The following EHF variants were observed in gnomAD, a reference collection of about 807,000 sequenced individuals.
EHF encodes ETS homologous factor, also known as ESE3 transcription factor.
EHF carries 14 observed loss-of-function variants against 45.1 expected under a neutral mutation model. The ratio of observed to expected loss-of-function variants is 0.31; its 90% CI spans 0.21 to 0.49. EHF has a LOEUF of 0.49. Among genes scored for constraint, EHF ranks in the 20% least tolerant of loss-of-function variants. The probability of loss-of-function intolerance (pLI) is 0.99; values close to 1 mark genes in which losing one functional copy is unlikely to be tolerated. For missense variants in EHF, 282 were observed against 371.4 expected (o/e 0.76, Z 1.98); for synonymous variants, 136 against 131.8 (o/e 1.03, Z -0.22).
chr11:34,656,053 TAC>T (rs61484102), intron 6 of EHF, among the ~76,000 whole-genome samples: 135,605 of 149,510 alleles, frequency 0.91, 62,354 homozygotes, highest in Non-Finnish European at 0.99. Flanking sequence ...GTCCTCCCAA[TAC>T]ACACACACAC....
chr11:34,623,098 G>A (rs1016300637), intron 1 of EHF, among the ~76,000 whole-genome samples: 2 of 150,948 alleles, frequency 1.3e-5, no homozygotes, highest in South Asian at 2.1e-4. Context: ...ATCCTTTTTG[G>A]TTTTTTTTTG....
At chr11:34,628,292 A>T (rs926959787) in intron 1 of EHF, among the ~76,000 whole-genome samples, 2 of 152,306 alleles carry the variant, frequency 1.3e-5, no homozygotes, top group South Asian at 4.1e-4. Context: ...CCAACATAAT[A>T]TGATATCACA....
chr11:34,622,727 A>G (rs571398682), intron 1 of EHF, among the ~76,000 whole-genome samples: 2 of 152,388 alleles, frequency 1.3e-5, no homozygotes, highest in South Asian at 4.1e-4. Context: ...TCATGTAGAC[A>G]ACACCATTTT....
intron 1 of EHF, chr11:34,632,661 T>C: frequency 2.0e-6 from 3 of 1,535,570 alleles, no homozygotes; most frequent in Non-Finnish European, 1.7e-6. Context: ...AGGTTGGTCA[T>C]TCTCAAATGC....
chr11:34,638,341 G>C (rs971933321), intron 1 of EHF, among the ~76,000 whole-genome samples: 1 of 152,220 alleles, frequency 6.6e-6, no homozygotes, highest in Non-Finnish European at 1.5e-5. Context: ...CTGATACCCA[G>C]TGTATTCTCT....
intron 3 of EHF, among the ~76,000 whole-genome samples, chr11:34,647,699 C>G (rs960631545): frequency 6.6e-6 from 1 of 152,224 alleles, no homozygotes; most frequent in South Asian, 2.1e-4. Context: ...CTGGCAACAG[C>G]CATCAACACT....
At chr11:34,650,070 G>T (rs553781611) in intron 4 of EHF, among the ~76,000 whole-genome samples, 27 of 152,368 alleles carry the variant, frequency 1.8e-4, no homozygotes, top group Admixed American at 5.9e-4. Flanking sequence ...GTGCTTTACA[G>T]GCCTGGCCTT....
chr11:34,651,342 C>A (rs11032801), intron 4 of EHF, among the ~76,000 whole-genome samples, 200 bp from the exon 5 acceptor site: 14,755 of 152,058 alleles, frequency 0.097, 1,187 homozygotes, highest in East Asian at 0.43. Flanking sequence ...ATGGATGAGG[C>A]CATTTCCCCG....
chr11:34,647,729 G>T (rs1854711768), intron 3 of EHF, among the ~76,000 whole-genome samples: 1 of 152,204 alleles, frequency 6.6e-6, no homozygotes, highest in Non-Finnish European at 1.5e-5. Flanking sequence ...CTGGGGCCTT[G>T]CAGCAGAGCT....
intron 1 of EHF, among the ~76,000 whole-genome samples, chr11:34,637,234 G>C (rs1384219903): frequency 3.3e-5 from 5 of 152,074 alleles, no homozygotes; most frequent in Non-Finnish European, 7.4e-5. Context: ...CAAGTGCTCT[G>C]TTCCCCCTGC....
chr11:34,628,748 C>G (rs1590410574), intron 1 of EHF, among the ~76,000 whole-genome samples: 1 of 152,138 alleles, frequency 6.6e-6, no homozygotes, highest in South Asian at 2.1e-4. Flanking sequence ...GGAACAAAGA[C>G]AGAAGAGATC....
intron 1 of EHF, among the ~76,000 whole-genome samples, chr11:34,623,954 G>A (rs955919963): frequency 6.6e-6 from 1 of 152,122 alleles, no homozygotes; most frequent in African/African-American, 2.4e-5. Flanking sequence ...CCTCCATATG[G>A]AGTCATCTCT....
At chr11:34,647,950 T>C (rs1854741342) in intron 3 of EHF, among the ~76,000 whole-genome samples, 1 of 152,098 alleles carries the variant, frequency 6.6e-6, no homozygotes, top group Non-Finnish European at 1.5e-5. Context: ...TTAAATCCAC[T>C]CCTTTAAAGC....
intron 4 of EHF, 71 bp downstream of exon 4, chr11:34,649,152 A>G: frequency 6.5e-7 from 1 of 1,542,002 alleles, no homozygotes; most frequent in African/African-American, 1.4e-5. Context: ...GGGAGAGGGC[A>G]AGAGAGAATG....
chr11:34,623,394 TTCATTTTTAATCTATTA>T, intron 1 of EHF, among the ~76,000 whole-genome samples: 2 of 152,158 alleles, frequency 1.3e-5, no homozygotes, highest in African/African-American at 4.8e-5. Flanking sequence ...CCATATTGTT[TTCATTTTTAATCTATTA>T]GTCTATCGTG....
chr11:34,640,306 C>G (rs3829275), intron 1 of EHF, among the ~76,000 whole-genome samples: 11,645 of 152,198 alleles, frequency 0.077, 563 homozygotes, highest in South Asian at 0.25. Context: ...CAGGTGCTGC[C>G]ACTGAAATGA....
At chr11:34,646,881 C>T (rs192919894) in intron 3 of EHF, 197 bp downstream of exon 3, 1 of 636,706 alleles carries the variant, frequency 1.6e-6, no homozygotes, top group African/African-American at 1.9e-5. Context: ...GTGCCTAATC[C>T]CTTATAAATG....
At chr11:34,657,650 C>T (rs1327125136) in intron 7 of EHF, among the ~76,000 whole-genome samples, 1 of 151,582 alleles carries the variant, frequency 6.6e-6, no homozygotes, top group African/African-American at 2.4e-5. Flanking sequence ...ATTAGCTGGG[C>T]ATGGTGGCAC....
At chr11:34,625,677 A>G (rs945366750) in intron 1 of EHF, among the ~76,000 whole-genome samples, 1 of 152,172 alleles carries the variant, frequency 6.6e-6, no homozygotes, top group African/African-American at 2.4e-5. Context: ...GTTTTAATTG[A>G]CCTTGTTTTA....
Sources: allele counts gnomAD v4.1 joint callset (sites outside exome capture counted in the v4.1 genomes callset), GRCh38; gene constraint gnomAD v4.1.1; transcripts MANE v1.5; gene names NCBI Gene and HGNC (gene_info 2026-07-23, HGNC 2026-07-21).